The following CNTNAP4 variants were observed in gnomAD, a reference collection of about 807,000 sequenced individuals.
CNTNAP4 encodes the protein contactin-associated protein-like 4.
CNTNAP4 carries 98 observed loss-of-function variants against 148.4 expected under a neutral mutation model. That is an observed-to-expected ratio of 0.66 (90% CI 0.56 to 0.78). The LOEUF (loss-of-function observed/expected upper bound fraction) is 0.78, where lower values mean the gene tolerates loss of function less well. Ranked by LOEUF, CNTNAP4 falls within the 30% of genes least tolerant of loss-of-function variation. The pLI is 0.00. For synonymous variants in CNTNAP4, 730 were observed against 565.1 expected, an observed-to-expected ratio of 1.29 and a Z score of -4.14; for missense variants, 1,935 against 1,565.6, an observed-to-expected ratio of 1.24 and a Z score of -3.98.
chr16:76,431,177 AG>A (rs1356077113), intron 4 of CNTNAP4, among the ~76,000 whole-genome samples: 52 of 152,322 alleles, frequency 3.4e-4, no homozygotes, highest in African/African-American at 1.3e-3. Flanking sequence ...GGAGACTGAA[AG>A]GATGGTCCAA....
At chr16:76,516,076 A>G (rs2083237554) in intron 15 of CNTNAP4, among the ~76,000 whole-genome samples, 1 of 152,038 alleles carries the variant, frequency 6.6e-6, no homozygotes, top group Non-Finnish European at 1.5e-5. Context: ...ATTTGTCTTA[A>G]TGCTGTCCCT....
chr16:76,299,918 T>G (rs1461803536), intron 1 of CNTNAP4, among the ~76,000 whole-genome samples: 1 of 151,962 alleles, frequency 6.6e-6, no homozygotes, highest in Non-Finnish European at 1.5e-5. Flanking sequence ...CACCTCATGT[T>G]CTCACTCATA....
intron 4 of CNTNAP4, among the ~76,000 whole-genome samples, chr16:76,442,225 G>A (rs543218334): frequency 6.6e-6 from 1 of 152,088 alleles, no homozygotes; most frequent in African/African-American, 2.4e-5. Context: ...AAGAGGCCAC[G>A]AGCCAAGTGG....
At chr16:76,304,499 G>A (rs930334377) in intron 1 of CNTNAP4, among the ~76,000 whole-genome samples, 3 of 152,146 alleles carry the variant, frequency 2.0e-5, no homozygotes, top group East Asian at 3.9e-4. Context: ...TGAGCCTGGA[G>A]CATCCCCAAG....
chr16:76,311,984 A>G (rs1037097430), intron 1 of CNTNAP4, among the ~76,000 whole-genome samples: 5 of 152,344 alleles, frequency 3.3e-5, no homozygotes, highest in African/African-American at 1.2e-4. Flanking sequence ...AAATGCCTGT[A>G]TACTCACGTG....
At chr16:76,465,533 T>A (rs2081143614) in intron 9 of CNTNAP4, among the ~76,000 whole-genome samples, 1 of 152,232 alleles carries the variant, frequency 6.6e-6, no homozygotes, top group Admixed American at 6.5e-5. Flanking sequence ...TAGTTTGAGA[T>A]GTGTCAGGAA....
At chr16:76,288,733 G>C (rs187850932) in intron 1 of CNTNAP4, among the ~76,000 whole-genome samples, 3 of 152,296 alleles carry the variant, frequency 2.0e-5, no homozygotes, top group Admixed American at 6.5e-5. Context: ...CTGGAATAAA[G>C]AGCATATTCA....
intron 3 of CNTNAP4, among the ~76,000 whole-genome samples, chr16:76,386,253 T>C (rs1425788005): frequency 6.6e-6 from 1 of 152,232 alleles, no homozygotes; most frequent in Non-Finnish European, 1.5e-5. Context: ...ATGGGTATAG[T>C]ATAGCTCTAT....
rs997049093 is a variant in CNTNAP4, at chr16:76,498,712, G to A, written c.2365+18G>A. 2.5e-6 allele frequency: 4 copies of A among 1,577,180 alleles called. No individual in the cohort carries two copies. The African/African-American group carries it at 4.1e-5, about 16-fold the overall frequency. On this transcript the variant is annotated intron_variant, in intron 15 of 23. Coordinates refer to ENST00000611870, the MANE Select transcript of CNTNAP4 (RefSeq NM_033401.5). ...GGGAGACAGTAAGTGGTTACAATGT[G>A]TTGAAACCGTATTTGAGAAAAGAAC...
intron 4 of CNTNAP4, among the ~76,000 whole-genome samples, chr16:76,430,541 G>A (rs1200332492): frequency 2.0e-5 from 3 of 152,178 alleles, no homozygotes; most frequent in Non-Finnish European, 4.4e-5. Flanking sequence ...AAAAGGAAAA[G>A]TGGTGTTGGG....
intron 15 of CNTNAP4, among the ~76,000 whole-genome samples, chr16:76,507,886 G>A (rs1192905155): frequency 4.1e-5 from 4 of 97,738 alleles, no homozygotes; most frequent in African/African-American, 1.0e-4. Context: ...CTACGTCCTT[G>A]TCACTCACTC....
chr16:76,527,280 C>A (rs72799054), intron 17 of CNTNAP4, among the ~76,000 whole-genome samples: 29,008 of 152,152 alleles, frequency 0.19, 3,455 homozygotes, highest in Middle Eastern at 0.31. Context: ...CATTCCCTCG[C>A]ATATTAATAC....
At chr16:76,502,025 C>T (rs982366576) in intron 15 of CNTNAP4, among the ~76,000 whole-genome samples, 3 of 151,504 alleles carry the variant, frequency 2.0e-5, no homozygotes, top group Non-Finnish European at 2.9e-5. Flanking sequence ...GCCGAGATCC[C>T]GCCACTGCAC....
intron 8 of CNTNAP4, among the ~76,000 whole-genome samples, chr16:76,455,119 C>T (rs181760854): frequency 2.0e-5 from 3 of 152,216 alleles, no homozygotes; most frequent in African/African-American, 2.4e-5. Context: ...AATCATGAAA[C>T]ATATTAGCAT....
intron 1 of CNTNAP4, among the ~76,000 whole-genome samples, chr16:76,290,556 C>G (rs538759623): frequency 6.6e-6 from 1 of 152,248 alleles, no homozygotes; most frequent in East Asian, 1.9e-4. Flanking sequence ...ACCCAAAGAC[C>G]TATTCACTTC....
chr16:76,370,589 G>A (rs114170613), intron 3 of CNTNAP4, among the ~76,000 whole-genome samples: 1 of 152,256 alleles, frequency 6.6e-6, no homozygotes, highest in South Asian at 2.1e-4. Context: ...CACAGTCCAC[G>A]TCACTCAGCC....
At chr16:76,426,391 T>C (rs1054472715) in intron 3 of CNTNAP4, among the ~76,000 whole-genome samples, 1 of 152,114 alleles carries the variant, frequency 6.6e-6, no homozygotes, top group Non-Finnish European at 1.5e-5. Flanking sequence ...AAGGGACTTA[T>C]CATGAACCTG....
intron 4 of CNTNAP4, among the ~76,000 whole-genome samples, chr16:76,429,115 T>C (rs2079524580): frequency 6.6e-6 from 1 of 152,190 alleles, no homozygotes; most frequent in Non-Finnish European, 1.5e-5. Context: ...TTGCAGGCTT[T>C]CGTGGCTTCA....
intron 15 of CNTNAP4, among the ~76,000 whole-genome samples, chr16:76,520,364 TG>T (rs2144093665): frequency 6.6e-6 from 1 of 152,288 alleles, no homozygotes; most frequent in South Asian, 2.1e-4. Flanking sequence ...TAAAGATAAG[TG>T]GTATTTGGGC....
Sources: allele counts gnomAD v4.1 joint callset (sites outside exome capture counted in the v4.1 genomes callset), GRCh38; gene constraint gnomAD v4.1.1; transcripts MANE v1.5; gene names NCBI Gene and HGNC (gene_info 2026-07-23, HGNC 2026-07-21).